RIMS2: variants seen among roughly 807,000 people sequenced by gnomAD.
RIMS2 encodes the protein regulating synaptic membrane exocytosis 2.
In RIMS2, 59 loss-of-function variants were observed where a neutral mutation model predicts 174.4. That is an observed-to-expected ratio of 0.34 (90% CI 0.27 to 0.42). RIMS2 has a LOEUF of 0.42. Ranked by LOEUF, RIMS2 falls within the 10% of genes least tolerant of loss-of-function variation. The probability of loss-of-function intolerance (pLI) is 1.00; values close to 1 mark genes in which losing one functional copy is unlikely to be tolerated. For missense variants in RIMS2, 1,620 were observed against 1,666.3 expected, an observed-to-expected ratio of 0.97 and a Z score of 0.48; for synonymous variants, 606 against 572.5, an observed-to-expected ratio of 1.06 and a Z score of -0.84.
chr8:104,197,831 A>G (rs79212074), intron 19 of RIMS2, among the ~76,000 whole-genome samples: 2 of 151,976 alleles, frequency 1.3e-5, no homozygotes, highest in Non-Finnish European at 2.9e-5. Flanking sequence ...TCTAAGTCTG[A>G]TTTCTATTTA....
At chr8:104,228,475 C>T (rs978715035) in intron 19 of RIMS2, among the ~76,000 whole-genome samples, 7 of 152,112 alleles carry the variant, frequency 4.6e-5, no homozygotes, top group Non-Finnish European at 7.4e-5. Context: ...TTTGCCCTTA[C>T]GCCGTTGAAA....
intron 4 of RIMS2, among the ~76,000 whole-genome samples, chr8:103,893,432 C>G (rs375017041): frequency 6.6e-5 from 10 of 152,114 alleles, no homozygotes; most frequent in African/African-American, 2.4e-4. Context: ...TAAGCCTCAA[C>G]CTTTTGGGTA....
intron 8 of RIMS2, among the ~76,000 whole-genome samples, chr8:103,917,364 C>A (rs900508550): frequency 6.6e-5 from 10 of 151,990 alleles, no homozygotes; most frequent in African/African-American, 2.2e-4. Context: ...AGGGTGGTAG[C>A]TTAGTTTTAT....
At chr8:104,078,527 G>A (rs539305230) in intron 19 of RIMS2, among the ~76,000 whole-genome samples, 2 of 152,236 alleles carry the variant, frequency 1.3e-5, no homozygotes, top group South Asian at 4.1e-4. Flanking sequence ...AACTACCTAT[G>A]TGACCTCATT....
chr8:103,572,584 T>A (rs796157990), intron 1 of RIMS2, among the ~76,000 whole-genome samples: 23 of 152,144 alleles, frequency 1.5e-4, no homozygotes, highest in African/African-American at 5.1e-4. Context: ...TTTCACTTTT[T>A]AATAATGGCC....
At chr8:104,085,514 C>G (rs1051179921) in intron 19 of RIMS2, among the ~76,000 whole-genome samples, 9 of 152,198 alleles carry the variant, frequency 5.9e-5, no homozygotes, top group African/African-American at 2.2e-4. Context: ...TTATTAAAAT[C>G]AGTGTGGATT....
intron 3 of RIMS2, among the ~76,000 whole-genome samples, chr8:103,783,214 G>A (rs1276617815): frequency 6.6e-6 from 1 of 151,470 alleles, no homozygotes; most frequent in Non-Finnish European, 1.5e-5. Flanking sequence ...GGGCTACCCA[G>A]TGTTCCCTAC....
rs971949575 is a variant in RIMS2, at chr8:104,166,097, C to T, written c.3335-78819C>T. On this transcript the variant is annotated intron_variant, in intron 19 of 23. Transcript: ENST00000504942. ...TTTTTTTTTTTTTGAGACAGAGTCT[C>T]GCTCTGTCGCCCAGGCTGGAGTGCA... 6.1e-5 allele frequency among the ~76,000 whole-genome samples: 8 copies of T among 131,356 alleles called. No homozygotes were observed. In the East Asian group the frequency reaches 6.9e-4, roughly 11 times the overall value. The allele number at this position is 131,356 out of a possible 152,430, so 86.2% of individuals were successfully genotyped here. A position where few individuals can be genotyped will look rare whatever the true frequency, so the allele number is the denominator to read the frequency against.
At chr8:103,718,983 C>A (rs561892019) in intron 2 of RIMS2, among the ~76,000 whole-genome samples, 4 of 152,228 alleles carry the variant, frequency 2.6e-5, no homozygotes, top group Admixed American at 6.5e-5. Context: ...TTCCCTCTTG[C>A]AATCCCCACT....
At chr8:104,094,658 C>T (rs192534128) in intron 19 of RIMS2, 4 of 700,900 alleles carry the variant, frequency 5.7e-6, no homozygotes, top group African/African-American at 1.8e-5. Context: ...AAGATATACA[C>T]GAGCAAGGGA....
chr8:103,581,053 C>T (rs1029159473), intron 1 of RIMS2, among the ~76,000 whole-genome samples: 4 of 151,792 alleles, frequency 2.6e-5, no homozygotes, highest in African/African-American at 7.3e-5. Flanking sequence ...CTCCTGACCT[C>T]GTGATCTGCC....
intron 2 of RIMS2, among the ~76,000 whole-genome samples, chr8:103,700,223 T>C (rs2137433505): frequency 6.6e-6 from 1 of 152,250 alleles, no homozygotes; most frequent in South Asian, 2.1e-4. Flanking sequence ...CTATTAGTTA[T>C]AGTTTTATGT....
In RIMS2 at chr8:103,868,636, G is replaced by A. The variant is rs574224640; in HGVS notation, c.699-16662G>A. On this transcript the variant is annotated intron_variant, in intron 3 of 23. Transcript: ENST00000504942. ...TGGTTAAATTTTTTTCATGGTTTTT[G>A]AGACAGTATTATGCAAATTAAGTAA... 6.6e-5 allele frequency among the ~76,000 whole-genome samples: 10 copies of A among 152,090 alleles called. No individual in the cohort carries two copies. In the East Asian group the frequency reaches 1.7e-3, roughly 26 times the overall value.
chr8:103,657,225 T>A (rs973245699), intron 1 of RIMS2, among the ~76,000 whole-genome samples: 2 of 151,746 alleles, frequency 1.3e-5, no homozygotes, highest in African/African-American at 4.8e-5. Context: ...TTCATAGGAG[T>A]AGGTTTCTCT....
chr8:103,929,553 T>C (rs2154531341), intron 11 of RIMS2, among the ~76,000 whole-genome samples: 1 of 151,572 alleles, frequency 6.6e-6, no homozygotes, highest in East Asian at 1.9e-4. Flanking sequence ...GTCATGACCC[T>C]CAGAGAAAGC....
exon 12 of RIMS2, chr8:103,931,359 C>T: frequency 6.2e-7 from 1 of 1,601,652 alleles, no homozygotes; most frequent in Non-Finnish European, 8.5e-7. Context: ...GCCAAGGAAT[C>T]CTTATGTTAA....
intron 3 of RIMS2, among the ~76,000 whole-genome samples, chr8:103,810,943 C>G (rs1453604553): frequency 6.6e-6 from 1 of 152,080 alleles, no homozygotes; most frequent in African/African-American, 2.4e-5. Context: ...GTGCAAATGA[C>G]TATTATTTCT....
intron 4 of RIMS2, among the ~76,000 whole-genome samples, chr8:103,888,117 A>T (rs2099216932): frequency 6.6e-6 from 1 of 151,482 alleles, no homozygotes; most frequent in Non-Finnish European, 1.5e-5. Flanking sequence ...TACTGATAGA[A>T]AATTTGGACA....
chr8:103,841,515 G>A (rs2098939605), intron 3 of RIMS2, among the ~76,000 whole-genome samples: 1 of 152,104 alleles, frequency 6.6e-6, no homozygotes, highest in Non-Finnish European at 1.5e-5. Context: ...TTCACAGCCT[G>A]ATAGTACTGT....
Sources: allele counts gnomAD v4.1 joint callset (sites outside exome capture counted in the v4.1 genomes callset), GRCh38; gene constraint gnomAD v4.1.1; transcripts MANE v1.5; gene names NCBI Gene and HGNC (gene_info 2026-07-23, HGNC 2026-07-21).